NTM: variants seen among roughly 807,000 people sequenced by gnomAD.
The protein encoded by NTM is neurotrimin.
A neutral mutation model predicts 42.1 loss-of-function variants in NTM; 13 were observed. The observed-to-expected ratio is 0.31, with a 90% CI of 0.20 to 0.49. The LOEUF (loss-of-function observed/expected upper bound fraction) is 0.49. NTM is among the 20% of genes least tolerant of loss of function. The pLI, the probability that NTM is intolerant of heterozygous loss-of-function variation, is 0.99. For missense variants in NTM, 373 were observed against 452.8 expected (o/e 0.82, Z 1.60); for synonymous variants, 187 against 179.2 (o/e 1.04, Z -0.35).
At chr11:131,596,723 C>G (rs910093003) in intron 1 of NTM, among the ~76,000 whole-genome samples, 1 of 152,220 alleles carries the variant, frequency 6.6e-6, no homozygotes, top group Non-Finnish European at 1.5e-5. Flanking sequence ...AACAGACATC[C>G]CTGGGGCTGG....
At chr11:132,068,241 G>A (rs903497519) in intron 2 of NTM, among the ~76,000 whole-genome samples, 1 of 151,900 alleles carries the variant, frequency 6.6e-6, no homozygotes, top group African/African-American at 2.4e-5. Context: ...GTCTTTTTTT[G>A]CGTAACACTT....
intron 2 of NTM, among the ~76,000 whole-genome samples, chr11:132,033,434 G>A (rs1593944618): frequency 6.6e-6 from 1 of 152,300 alleles, no homozygotes; most frequent in Non-Finnish European, 1.5e-5. Flanking sequence ...ATGCAAAGTA[G>A]AAAGCTTTAT....
At chr11:131,696,102 C>T (rs1228050562) in intron 1 of NTM, among the ~76,000 whole-genome samples, 2 of 152,144 alleles carry the variant, frequency 1.3e-5, no homozygotes, top group Non-Finnish European at 2.9e-5. Flanking sequence ...CAAAGGGAGC[C>T]GGCCCCCAGG....
chr11:131,608,131 G>A (rs764684512), intron 1 of NTM, among the ~76,000 whole-genome samples: 2 of 152,106 alleles, frequency 1.3e-5, no homozygotes, highest in Non-Finnish European at 2.9e-5. Flanking sequence ...CCACCTATGA[G>A]TGAGAACATG....
chr11:131,894,206 A>G (rs1333765294), intron 1 of NTM, among the ~76,000 whole-genome samples: 1 of 152,148 alleles, frequency 6.6e-6, no homozygotes, highest in Non-Finnish European at 1.5e-5. Flanking sequence ...CGCCAGCCAC[A>G]TGCTTGCCTA....
chr11:131,988,460 T>C (rs2066446680), intron 2 of NTM, among the ~76,000 whole-genome samples: 1 of 152,180 alleles, frequency 6.6e-6, no homozygotes, highest in Non-Finnish European at 1.5e-5. Context: ...CTTTCTTCCA[T>C]CATGATATAG....
At chr11:131,938,417 G>T (rs776995867) in intron 2 of NTM, among the ~76,000 whole-genome samples, 30 of 152,234 alleles carry the variant, frequency 2.0e-4, no homozygotes, top group Non-Finnish European at 4.0e-4. Context: ...GTTAGGGAAA[G>T]AAAACGGAAG....
intron 3 of NTM, among the ~76,000 whole-genome samples, chr11:132,207,540 G>A (rs1320928508): frequency 5.9e-5 from 9 of 152,126 alleles, no homozygotes; most frequent in Non-Finnish European, 2.9e-5. Flanking sequence ...TAAATGTAAT[G>A]TGCTTGAATC....
At chr11:131,420,659 C>A (rs189385367) in intron 1 of NTM, among the ~76,000 whole-genome samples, 2 of 152,142 alleles carry the variant, frequency 1.3e-5, no homozygotes, top group Non-Finnish European at 2.9e-5. Context: ...CATTCTCATG[C>A]ATCCCTGGCT....
Position 131,602,399 on chromosome 11 carries a change from G to A in NTM, c.82+231511G>A, listed in dbSNP as rs771320513. The stretch of plus-strand genomic sequence containing the variant: ...TATCTTACCACTTATTAAATAAGTC[G>A]AAAATATCCTTCTCAAAAAGTCGGT... On this transcript the variant is annotated intron_variant, in intron 1 of 8. Transcript: ENST00000683400. 9.2e-5 allele frequency among the ~76,000 whole-genome samples: 14 copies of A among 152,166 alleles called. No homozygotes were observed. The East Asian group carries it at 1.3e-3, about 15-fold the overall frequency.
intron 1 of NTM, among the ~76,000 whole-genome samples, chr11:131,546,943 C>T (rs959872765): frequency 6.6e-6 from 1 of 152,154 alleles, no homozygotes; most frequent in Admixed American, 6.5e-5. Flanking sequence ...TGTCCCTAAA[C>T]CCCCTGAGTT....
chr11:131,506,952 G>A (rs916651177), intron 1 of NTM, among the ~76,000 whole-genome samples: 1 of 152,108 alleles, frequency 6.6e-6, no homozygotes, highest in African/African-American at 2.4e-5. Flanking sequence ...ATGCCCCAGG[G>A]TATTGTTCCC....
intron 4 of NTM, among the ~76,000 whole-genome samples, chr11:132,297,691 C>T (rs946415881): frequency 2.6e-5 from 4 of 152,186 alleles, no homozygotes; most frequent in African/African-American, 9.7e-5. Context: ...CTATCATCAT[C>T]TACATTTTTG....
At chr11:131,549,332 C>A (rs1016170824) in intron 1 of NTM, among the ~76,000 whole-genome samples, 7 of 152,206 alleles carry the variant, frequency 4.6e-5, no homozygotes, top group African/African-American at 1.4e-4. Flanking sequence ...AAAATTATGT[C>A]TAGGGTCACA....
intron 1 of NTM, chr11:131,771,421 A>G (rs953837541): frequency 2.0e-5 from 3 of 152,170 alleles, no homozygotes; most frequent in African/African-American, 4.8e-5. Flanking sequence ...TAATACCACA[A>G]TCTATTCAGG....
chr11:131,376,896 A>C (rs1942044777), intron 1 of NTM, among the ~76,000 whole-genome samples: 1 of 152,178 alleles, frequency 6.6e-6, no homozygotes, highest in Non-Finnish European at 1.5e-5. Flanking sequence ...TTGAGTGTCT[A>C]CTACGTTCGG....
intron 1 of NTM, among the ~76,000 whole-genome samples, chr11:131,611,408 A>G (rs1212269188): frequency 6.6e-6 from 1 of 152,132 alleles, no homozygotes; most frequent in African/African-American, 2.4e-5. Flanking sequence ...TTATAATCAC[A>G]CGCTACACGC....
At chr11:131,706,639 A>G (rs1200123986) in intron 1 of NTM, among the ~76,000 whole-genome samples, 1 of 152,212 alleles carries the variant, frequency 6.6e-6, no homozygotes, top group East Asian at 1.9e-4. Flanking sequence ...AAGTTCTTTT[A>G]TAACCATAAT....
chr11:131,471,843 T>A (rs1344486566), intron 1 of NTM, among the ~76,000 whole-genome samples: 1 of 152,202 alleles, frequency 6.6e-6, no homozygotes, highest in East Asian at 1.9e-4. Context: ...CAGCTGCTTG[T>A]CTTTCCACCC....
Sources: gnomAD v4.1 joint callset for allele counts (sites outside exome capture counted in the v4.1 genomes callset) on GRCh38, gnomAD v4.1.1 for gene constraint, MANE v1.5 for transcripts, NCBI Gene and HGNC (gene_info 2026-07-23, HGNC 2026-07-21) for gene names.